ZNF215: variants seen among roughly 807,000 people sequenced by gnomAD.
ZNF215 encodes BWSCR2-associated zinc finger protein 2.
ZNF215 carries 24 observed loss-of-function variants against 27.2 expected under a neutral mutation model. The observed-to-expected ratio is 0.88, with a 90% confidence interval of 0.64 to 1.24. ZNF215 has a LOEUF of 1.24. ZNF215 is among the 50% of genes most tolerant of loss of function. The probability of loss-of-function intolerance (pLI) is 0.00; values close to 1 mark genes in which losing one functional copy is unlikely to be tolerated. For missense variants in ZNF215, 675 were observed against 605.7 expected (o/e 1.11, Z -1.20); for synonymous variants, 210 against 204.0 (o/e 1.03, Z -0.25).
intron 5 of ZNF215, among the ~76,000 whole-genome samples, chr11:6,969,790 T>G (rs1850686700): frequency 2.0e-5 from 3 of 152,196 alleles, no homozygotes; most frequent in African/African-American, 7.2e-5. Flanking sequence ...CTGTTATTTT[T>G]TATTTTTTGA....
At chr11:6,946,712 G>A (rs1366705074) in intron 6 of ZNF215, among the ~76,000 whole-genome samples, 2 of 151,968 alleles carry the variant, frequency 1.3e-5, no homozygotes, top group Non-Finnish European at 2.9e-5. Flanking sequence ...CTTCCTTTTA[G>A]CAGTTATCAC....
downstream of ZNF215, among the ~76,000 whole-genome samples, chr11:6,987,746 G>T (rs1472846632): frequency 2.6e-5 from 4 of 152,226 alleles, no homozygotes; most frequent in African/African-American, 9.6e-5. Context: ...ATCCATTGTA[G>T]TCTCTAGTAA....
At chr11:6,954,715 G>A (rs931581167) in intron 6 of ZNF215, among the ~76,000 whole-genome samples, 12 of 152,082 alleles carry the variant, frequency 7.9e-5, no homozygotes, top group South Asian at 6.2e-4. Flanking sequence ...GCCCTGCTTC[G>A]GCTTGCGCAG....
chr11:6,958,036 T>C lies in ZNF215; in HGVS notation c.*1505T>C. 1 of 985,432 alleles carries C rather than the reference T, an allele frequency of 1.0e-6. No individual in the cohort carries two copies. The highest frequency in any genetic ancestry group is 1.2e-6 in the Non-Finnish European group (1 of 829,932). The allele number at this position is 985,432 out of a possible 1,614,324, so 61.0% of individuals were successfully genotyped here. A position where few individuals can be genotyped will look rare whatever the true frequency, so the allele number is the denominator to read the frequency against. On this transcript the variant is annotated 3_prime_UTR_variant, in exon 7 of 7. Coordinates refer to ENST00000278319, the MANE Select transcript of ZNF215 (RefSeq NM_013250.4). ...GGAGTGAACTCCTATGATTAAATAA[T>C]GTCAAAATCTATGTTTGTTCATCCT...
At chr11:6,943,363 C>T in intron 5 of ZNF215, 148 bp downstream of exon 5, 1 of 1,316,148 alleles carries the variant, frequency 7.6e-7, no homozygotes, top group South Asian at 1.5e-5. Flanking sequence ...GATTTTCTGA[C>T]TCATCTGGAT....
intron 5 of ZNF215, among the ~76,000 whole-genome samples, chr11:6,968,309 T>C (rs1850662246): frequency 6.6e-6 from 1 of 152,186 alleles, no homozygotes; most frequent in African/African-American, 2.4e-5. Flanking sequence ...TAGTTTTTTC[T>C]AATTCTGTGA....
intron 6 of ZNF215, among the ~76,000 whole-genome samples, chr11:6,951,129 C>A (rs1590064868): frequency 3.9e-5 from 6 of 152,012 alleles, no homozygotes. Flanking sequence ...GCTGGATTTG[C>A]TTTGCCAGTA....
intron 5 of ZNF215, among the ~76,000 whole-genome samples, chr11:6,965,540 CTTGCAA>C (rs1416349197): frequency 6.6e-6 from 1 of 152,074 alleles, no homozygotes; most frequent in Non-Finnish European, 1.5e-5. Flanking sequence ...AATACTGTGT[CTTGCAA>C]TATGTAAACA....
At position 6,976,509 on chromosome 11, in the gene ZNF215, G is replaced by A. The variant is rs147985418; in HGVS notation, c.806-7620G>A. On this transcript the variant is annotated intron_variant, in intron 5 of 5. Transcript: ENST00000529903. The stretch of plus-strand genomic sequence containing the variant: ...CAGCTAATGAATATATAGAAAATAT[G>A]TGAAAATGATGTTGCAGTATTGAGG... 8.0e-3 allele frequency among the ~76,000 whole-genome samples: 1,223 copies of A among 152,148 alleles called. 15 individuals are homozygous for A. Among genetic ancestry groups the A allele is most frequent in the African/African-American group, 0.028 (1,173 of 41,536 alleles).
downstream of ZNF215, chr11:6,989,038 T>TC (rs1205966811): frequency 6.8e-6 from 1 of 147,752 alleles, no homozygotes; most frequent in East Asian, 2.1e-4. Context: ...GTGCCTGTAA[T>TC]CCCAACTACT....
At position 6,956,290 on chromosome 11, in the gene ZNF215, A is replaced by T. The variant is rs1223082500; in HGVS notation, c.1313A>T (p.Asn438Ile). 48 of 1,614,084 alleles carry T rather than the reference A, an allele frequency of 3.0e-5. No homozygotes were observed. Among genetic ancestry groups the T allele is most frequent in the Non-Finnish European group, 4.0e-5 (47 of 1,180,038 alleles). Reference sequence around the variant, plus strand: ...GCTGAAGCAAAGGCCTGCACAAGCAATAAATGTGGAAAGGCCTTCAGTAAA... The same window carrying T: ...GCTGAAGCAAAGGCCTGCACAAGCATTAAATGTGGAAAGGCCTTCAGTAAA... ...LHAEAKACTS[N>I]KCGKAFSKSE... The change falls in exon 7 of 7, where the codon AAT becomes ATT. Residue 438 changes from asparagine (N) to isoleucine (I), a missense_variant. Asn to Ile is a moderately radical substitution (Grantham distance 149). Coordinates refer to ENST00000278319, the MANE Select transcript of ZNF215 (RefSeq NM_013250.4).
At chr11:6,946,034 G>A (rs1334909019) in intron 6 of ZNF215, among the ~76,000 whole-genome samples, 2 of 151,978 alleles carry the variant, frequency 1.3e-5, no homozygotes, top group African/African-American at 2.4e-5. Context: ...AGTTACACAA[G>A]ATACAGTTTA....
At chr11:6,944,825 T>C (rs77337133) in intron 6 of ZNF215, among the ~76,000 whole-genome samples, 1 of 152,230 alleles carries the variant, frequency 6.6e-6, no homozygotes, top group Non-Finnish European at 1.5e-5. Flanking sequence ...TCATTTTATA[T>C]CCTCTTTTCA....
intron 6 of ZNF215, among the ~76,000 whole-genome samples, chr11:6,954,489 G>T: frequency 6.6e-6 from 1 of 152,362 alleles, no homozygotes; most frequent in Non-Finnish European, 1.5e-5. Flanking sequence ...TTTGATGTCA[G>T]ACTGCTGTGC....
At chr11:6,936,325 A>G (rs1035803858) in intron 3 of ZNF215, among the ~76,000 whole-genome samples, 2 of 152,082 alleles carry the variant, frequency 1.3e-5, no homozygotes, top group African/African-American at 4.8e-5. Context: ...CTGACTTTGC[A>G]TAAAATGAAA....
At chr11:6,935,394 G>C (rs1419030617) in intron 3 of ZNF215, among the ~76,000 whole-genome samples, 1 of 152,160 alleles carries the variant, frequency 6.6e-6, no homozygotes, top group Non-Finnish European at 1.5e-5. Context: ...TTTTGTTTTT[G>C]ATATTGTTTT....
At chr11:6,929,321 A>G (rs11041106) in intron 2 of ZNF215, among the ~76,000 whole-genome samples, 49,779 of 152,124 alleles carry the variant, frequency 0.33, 9,524 homozygotes, top group East Asian at 0.56. Context: ...AATTTTTCCT[A>G]TTAGTAACAT....
chr11:6,974,286 T>G (rs1380358958), intron 5 of ZNF215, among the ~76,000 whole-genome samples: 1 of 152,226 alleles, frequency 6.6e-6, no homozygotes, highest in African/African-American at 2.4e-5. Context: ...CATGCTGTTT[T>G]GGTTACTGTT....
At chr11:6,991,860 T>C (rs905743646), downstream of ZNF215, among the ~76,000 whole-genome samples, 1 of 152,228 alleles carries the variant, frequency 6.6e-6, no homozygotes, top group Non-Finnish European at 1.5e-5. Flanking sequence ...TTATTATTAC[T>C]ACAACTAGTT....
Sources: allele counts gnomAD v4.1 joint callset (sites outside exome capture counted in the v4.1 genomes callset), GRCh38; gene constraint gnomAD v4.1.1; transcripts MANE v1.5; gene names NCBI Gene and HGNC (gene_info 2026-07-23, HGNC 2026-07-21).